The following DHDDS variants were observed in gnomAD, a reference collection of about 807,000 sequenced individuals.
DHDDS encodes dehydrodolichyl diphosphate synthase subunit, also known as dehydrodolichyl diphosphate synthase complex subunit DHDDS.
A neutral mutation model predicts 46.2 loss-of-function variants in DHDDS; 16 were observed. The observed-to-expected ratio is 0.35, with a 90% confidence interval of 0.23 to 0.53. The LOEUF (loss-of-function observed/expected upper bound fraction) is 0.53, where lower values mean the gene tolerates loss of function less well. Ranked by LOEUF, DHDDS falls within the 20% of genes least tolerant of loss-of-function variation. The pLI is 0.94. For synonymous variants in DHDDS, 151 were observed against 163.1 expected, an observed-to-expected ratio of 0.93 and a Z score of 0.56; for missense variants, 340 against 423.7, an observed-to-expected ratio of 0.80 and a Z score of 1.73.
chr1:26,464,712 C>T (rs964803834), intron 8 of DHDDS, among the ~76,000 whole-genome samples: 2 of 152,188 alleles, frequency 1.3e-5, no homozygotes, highest in Non-Finnish European at 1.5e-5. Context: ...TCCCAGTTAC[C>T]TGTTCCATGC....
chr1:26,433,705 T>C (rs1370525582), intron 2 of DHDDS, among the ~76,000 whole-genome samples: 4 of 149,428 alleles, frequency 2.7e-5, no homozygotes, highest in Non-Finnish European at 5.9e-5. Flanking sequence ...GAGTTTGGGC[T>C]CTAGACGCAG....
rs10667472 is a variant in DHDDS, at chr1:26,470,315, C to CTTTTTTT, written c.*1195_*1201dup. On this transcript the variant is annotated 3_prime_UTR_variant, in exon 9 of 9. Coordinates refer to ENST00000236342, the MANE Select transcript of DHDDS (RefSeq NM_205861.3). ...CTCTTTAAAGTCCATTTTCCTTCTTCTTTTTTTTTTTTTTTTTGGAGACAG... is the reference window on the plus strand; with the variant it reads ...CTCTTTAAAGTCCATTTTCCTTCTTCTTTTTTTTTTTTTTTTTTTTTTTTGGAGACAG... 7.5e-6 allele frequency: 1 copy of CTTTTTTT among 132,872 alleles called. No homozygotes were observed. Among genetic ancestry groups the CTTTTTTT allele is most frequent in the African/African-American group, 2.9e-5 (1 of 34,810 alleles). 8.2% of individuals were successfully genotyped at this position (132,872 alleles called of 1,614,324 possible).
chr1:26,441,034 C>T (rs1293091183), intron 3 of DHDDS, among the ~76,000 whole-genome samples: 1 of 151,998 alleles, frequency 6.6e-6, no homozygotes, highest in Non-Finnish European at 1.5e-5. Context: ...AAGCGATTCT[C>T]CTGCCTCAGC....
chr1:26,458,030 T>C (rs1471830517), intron 7 of DHDDS, 125 bp downstream of exon 7: 1 of 794,354 alleles, frequency 1.3e-6, no homozygotes, highest in Non-Finnish European at 2.2e-6. Context: ...TGGGGAAAGC[T>C]AAAATCTGGA....
chr1:26,458,717 A>C (rs1438171152), intron 7 of DHDDS, among the ~76,000 whole-genome samples: 2 of 150,546 alleles, frequency 1.3e-5, no homozygotes, highest in Non-Finnish European at 1.5e-5. Flanking sequence ...CAGCCTGGGC[A>C]ACAGAGTGAG....
chr1:26,437,344 G>A (rs534644172), intron 2 of DHDDS, among the ~76,000 whole-genome samples: 12 of 152,186 alleles, frequency 7.9e-5, no homozygotes, highest in African/African-American at 2.6e-4. Context: ...CAGTAAACAC[G>A]TAAATAAAAA....
intron 8 of DHDDS, 78 bp from the exon 9 acceptor site, chr1:26,468,817 C>A: frequency 6.8e-6 from 10 of 1,465,910 alleles, no homozygotes; most frequent in Middle Eastern, 2.4e-4. Flanking sequence ...CTGTGCCCCA[C>A]CCCCTACCTC....
intron 4 of DHDDS, among the ~76,000 whole-genome samples, chr1:26,445,749 C>T (rs2075261618): frequency 6.7e-6 from 1 of 150,142 alleles, no homozygotes. Flanking sequence ...TGGGGCTGAG[C>T]GCAGTGGCTC....
intron 6 of DHDDS, among the ~76,000 whole-genome samples, chr1:26,453,420 G>A (rs1163663036): frequency 6.6e-6 from 1 of 152,100 alleles, no homozygotes; most frequent in Non-Finnish European, 1.5e-5. Context: ...ATCTGAGTTT[G>A]AAAGTGCTCA....
chr1:26,466,972 AG>A (rs759710748), intron 8 of DHDDS: 46 of 181,922 alleles, frequency 2.5e-4, no homozygotes, highest in Non-Finnish European at 4.4e-4. Context: ...TGGCCTTAAC[AG>A]GCTCTTCGGT....
rs1032308075 is a variant in DHDDS at position 26,454,672 on chromosome 1, T to C, written c.543-3119T>C. Reference sequence around the variant, plus strand: ...ATAAGTTTTTGTTTCTTCAGTTTCTTTGGGATATCATTTTCTTCTGGGCAA... The same window carrying C: ...ATAAGTTTTTGTTTCTTCAGTTTCTCTGGGATATCATTTTCTTCTGGGCAA... On this transcript the variant is annotated intron_variant, in intron 6 of 8. Coordinates refer to ENST00000236342, the MANE Select transcript of DHDDS (RefSeq NM_205861.3). 4.8e-5 allele frequency: 73 copies of C among 1,518,426 alleles called. No individual in the cohort carries two copies. The South Asian group carries it at 7.7e-4, about 16-fold the overall frequency. 94.1% of individuals were successfully genotyped at this position (1,518,426 alleles called of 1,614,324 possible).
At chr1:26,435,541 C>T (rs1363942851) in intron 2 of DHDDS, among the ~76,000 whole-genome samples, 1 of 143,192 alleles carries the variant, frequency 7.0e-6, no homozygotes, top group African/African-American at 2.6e-5. Context: ...GGGTTCAAGC[C>T]ATTCTCCTGC....
At chr1:26,465,134 CATGG>C (rs1212299958) in intron 8 of DHDDS, among the ~76,000 whole-genome samples, 6 of 152,130 alleles carry the variant, frequency 3.9e-5, no homozygotes, top group Non-Finnish European at 5.9e-5. Flanking sequence ...TCACAAGTTG[CATGG>C]ATGGTAGGTC....
chr1:26,464,325 C>T (rs1557451896), intron 8 of DHDDS, among the ~76,000 whole-genome samples: 1 of 151,254 alleles, frequency 6.6e-6, no homozygotes, highest in African/African-American at 2.5e-5. Context: ...GTTCTTACCA[C>T]ATGTCAGGCA....
At chr1:26,436,711 C>T (rs897450650) in intron 2 of DHDDS, among the ~76,000 whole-genome samples, 1 of 151,966 alleles carries the variant, frequency 6.6e-6, no homozygotes, top group African/African-American at 2.4e-5. Context: ...GTATGAGCCA[C>T]TGTGCCTGGC....
At chr1:26,435,103 C>T (rs542372176) in intron 2 of DHDDS, among the ~76,000 whole-genome samples, 23 of 150,788 alleles carry the variant, frequency 1.5e-4, no homozygotes, top group African/African-American at 4.9e-4. Flanking sequence ...TCTGCCTCCC[C>T]GGTTCAAACA....
At chr1:26,454,805 C>A (rs755261515) in intron 6 of DHDDS, 15 of 1,579,526 alleles carry the variant, frequency 9.5e-6, no homozygotes, top group Non-Finnish European at 1.2e-5. Flanking sequence ...TCTGTAGGTC[C>A]AGCGGCACAT....
chr1:26,471,196 G>A lies in DHDDS; in HGVS notation c.*2065G>A, dbSNP rs2075554792. On this transcript the variant is annotated 3_prime_UTR_variant, in exon 9 of 9. Coordinates refer to ENST00000236342, the MANE Select transcript of DHDDS (RefSeq NM_205861.3). ...ACCCTTGCCTCAAGAAATCAGATGG[G>A]ACCAATTTAGTGTCCTTCCACCTGT... 1 of 152,222 alleles carries A rather than the reference G, an allele frequency of 6.6e-6. No individual in the cohort carries two copies. The highest frequency in any genetic ancestry group is 2.1e-4 in the South Asian group (1 of 4,834). The allele number at this position is 152,222 out of a possible 1,614,324, so 9.4% of individuals were successfully genotyped here. A position where few individuals can be genotyped will look rare whatever the true frequency, so the allele number is the denominator to read the frequency against.
intron 7 of DHDDS, among the ~76,000 whole-genome samples, chr1:26,458,501 G>A (rs1051586058): frequency 6.6e-6 from 1 of 152,132 alleles, no homozygotes; most frequent in Non-Finnish European, 1.5e-5. Flanking sequence ...ACTTTGGGAG[G>A]CTGAGGCAGG....
Sources: gnomAD v4.1 joint callset for allele counts (sites outside exome capture counted in the v4.1 genomes callset) on GRCh38, gnomAD v4.1.1 for gene constraint, MANE v1.5 for transcripts, NCBI Gene and HGNC (gene_info 2026-07-23, HGNC 2026-07-21) for gene names.